BMPR1B: variants seen among roughly 807,000 people sequenced by gnomAD.
The protein encoded by BMPR1B is bone morphogenetic protein receptor type-1B.
BMPR1B carries 12 observed loss-of-function variants against 59.1 expected under a neutral mutation model. The observed-to-expected ratio is 0.20, with a 90% confidence interval of 0.13 to 0.33. The LOEUF is 0.33. BMPR1B is among the 10% of genes least tolerant of loss of function. The pLI is 1.00. For missense variants in BMPR1B, 550 were observed against 610.9 expected (o/e 0.90, Z 1.05); for synonymous variants, 237 against 207.3 (o/e 1.14, Z -1.23).
intron 2 of BMPR1B, among the ~76,000 whole-genome samples, chr4:94,980,218 T>C (rs1363112097): frequency 6.6e-6 from 1 of 152,204 alleles, no homozygotes; most frequent in African/African-American, 2.4e-5. Flanking sequence ...CATCACAAAA[T>C]TGAAGGCAGT....
intron 3 of BMPR1B, among the ~76,000 whole-genome samples, chr4:95,032,490 C>T (rs1724939487): frequency 2.0e-5 from 3 of 152,060 alleles, no homozygotes; most frequent in Admixed American, 6.6e-5. Context: ...ACATTCAGTC[C>T]ATAACATTCT....
chr4:94,787,500 G>A (rs144401933), intron 1 of BMPR1B, among the ~76,000 whole-genome samples: 40 of 152,288 alleles, frequency 2.6e-4, no homozygotes, highest in African/African-American at 8.9e-4. Context: ...GAGAGGAGTC[G>A]AAGTGAACAG....
At chr4:95,072,724 TTGTTTA>T (rs1238469707) in intron 3 of BMPR1B, among the ~76,000 whole-genome samples, 1 of 152,212 alleles carries the variant, frequency 6.6e-6, no homozygotes, top group African/African-American at 2.4e-5. Flanking sequence ...TTTTTACATT[TTGTTTA>T]TATCACCATA....
chr4:94,797,129 G>A (rs778327749), intron 1 of BMPR1B, among the ~76,000 whole-genome samples: 9 of 152,146 alleles, frequency 5.9e-5, no homozygotes, highest in Non-Finnish European at 1.0e-4. Flanking sequence ...AAGCAAGACC[G>A]AATTAGGACG....
chr4:94,930,849 A>G (rs1008800652), intron 2 of BMPR1B, among the ~76,000 whole-genome samples: 2 of 152,188 alleles, frequency 1.3e-5, no homozygotes, highest in African/African-American at 4.8e-5. Flanking sequence ...TTTCTTTGAA[A>G]TGAGGCCTTA....
intron 2 of BMPR1B, among the ~76,000 whole-genome samples, chr4:94,931,566 A>G (rs1056752482): frequency 6.6e-6 from 1 of 152,068 alleles, no homozygotes; most frequent in Non-Finnish European, 1.5e-5. Context: ...CTCTTCAATT[A>G]TATCAGCTGC....
At chr4:95,012,300 G>A (rs1191190802) in intron 3 of BMPR1B, among the ~76,000 whole-genome samples, 1 of 151,980 alleles carries the variant, frequency 6.6e-6, no homozygotes, top group African/African-American at 2.4e-5. Flanking sequence ...TCATACAAAG[G>A]TTTCAATACC....
chr4:95,066,628 G>A (rs1032617704), intron 3 of BMPR1B, among the ~76,000 whole-genome samples: 5 of 152,050 alleles, frequency 3.3e-5, no homozygotes, highest in Non-Finnish European at 4.4e-5. Flanking sequence ...GTGAGGGAGT[G>A]GAAATTTTTG....
At chr4:94,990,080 G>A (rs962125230) in intron 2 of BMPR1B, among the ~76,000 whole-genome samples, 1 of 152,148 alleles carries the variant, frequency 6.6e-6, no homozygotes, top group East Asian at 1.9e-4. Context: ...AGTTGAGGCC[G>A]GGCATGGTGG....
At chr4:94,830,922 A>G (rs1050194012) in intron 1 of BMPR1B, among the ~76,000 whole-genome samples, 1 of 152,214 alleles carries the variant, frequency 6.6e-6, no homozygotes, top group Non-Finnish European at 1.5e-5. Context: ...ATAATTCTTG[A>G]TAATAAATGA....
chr4:94,944,199 C>A (rs1729620964), intron 2 of BMPR1B, among the ~76,000 whole-genome samples: 1 of 152,046 alleles, frequency 6.6e-6, no homozygotes, highest in African/African-American at 2.4e-5. Context: ...AATTCCAAAA[C>A]CTGAAACACT....
chr4:95,060,381 C>T (rs564363155), intron 3 of BMPR1B, among the ~76,000 whole-genome samples: 4 of 152,142 alleles, frequency 2.6e-5, no homozygotes, highest in Non-Finnish European at 5.9e-5. Context: ...TACCCATATA[C>T]CCAGTTTAGA....
At chr4:95,000,357 G>A (rs2149108279) in intron 3 of BMPR1B, among the ~76,000 whole-genome samples, 1 of 152,034 alleles carries the variant, frequency 6.6e-6, no homozygotes, top group East Asian at 1.9e-4. Context: ...TTCAGATATA[G>A]TTTGCCCATA....
intron 1 of BMPR1B, among the ~76,000 whole-genome samples, chr4:94,796,581 A>C (rs1400966418): frequency 6.6e-6 from 1 of 152,092 alleles, no homozygotes; most frequent in Non-Finnish European, 1.5e-5. Flanking sequence ...TCAGGACTGA[A>C]TGAATGGAAT....
At position 94,957,357 on chromosome 4, in the gene BMPR1B, T is replaced by C. The variant is rs569749902; in HGVS notation, c.-112-38683T>C. The stretch of plus-strand genomic sequence containing the variant: ...TGTTTTTTTTTTTTTTTTTTTTTTT[T>C]TTTCCTTTTGCAACATGTGTGTGGG... On this transcript the variant is annotated intron_variant, in intron 2 of 12. Coordinates refer to ENST00000515059, the MANE Select transcript of BMPR1B (RefSeq NM_001203.3). Among the ~76,000 whole-genome samples, 1,222 of 130,166 alleles carry C rather than the reference T, an allele frequency of 9.4e-3. 51 individuals are homozygous for C. Among genetic ancestry groups the C allele is most frequent in the Admixed American group, 0.092 (1,132 of 12,354 alleles). 85.4% of individuals were successfully genotyped at this position (130,166 alleles called of 152,430 possible). A position where few individuals can be genotyped will look rare whatever the true frequency, so the allele number is the denominator to read the frequency against.
intron 3 of BMPR1B, among the ~76,000 whole-genome samples, chr4:95,070,979 T>G (rs1328613298): frequency 1.3e-5 from 2 of 152,132 alleles, no homozygotes; most frequent in African/African-American, 4.8e-5. Context: ...TCTTCTTCCT[T>G]TAGTCACCAG....
At chr4:95,153,976 G>T (rs1047663850) in intron 12 of BMPR1B, among the ~76,000 whole-genome samples, 1 of 152,204 alleles carries the variant, frequency 6.6e-6, no homozygotes, top group Admixed American at 6.5e-5. Flanking sequence ...CTGGAGCTCT[G>T]TTATTGTGGG....
intron 3 of BMPR1B, among the ~76,000 whole-genome samples, chr4:95,070,800 ATGTAT>A (rs948023198): frequency 2.0e-4 from 30 of 152,308 alleles, no homozygotes; most frequent in South Asian, 1.0e-3. Flanking sequence ...AAATAAAAAA[ATGTAT>A]TGTACATTTT....
At chr4:94,894,532 G>A (rs778252492) in intron 2 of BMPR1B, among the ~76,000 whole-genome samples, 3 of 151,878 alleles carry the variant, frequency 2.0e-5, no homozygotes, top group Admixed American at 6.6e-5. Context: ...TGTGATATCT[G>A]ATCTTGGTCC....
Sources: allele counts gnomAD v4.1 joint callset (sites outside exome capture counted in the v4.1 genomes callset), GRCh38; gene constraint gnomAD v4.1.1; transcripts MANE v1.5; gene names NCBI Gene and HGNC (gene_info 2026-07-23, HGNC 2026-07-21).